SLAIN2: variants seen among roughly 807,000 people sequenced by gnomAD.
SLAIN2 encodes the protein SLAIN family member 2, also known as SLAIN motif-containing protein 2.
SLAIN2 carries 31 observed loss-of-function variants against 56.6 expected under a neutral mutation model. The ratio of observed to expected loss-of-function variants is 0.55; its 90% CI spans 0.41 to 0.74. SLAIN2 has a LOEUF of 0.74. Among genes scored for constraint, SLAIN2 ranks in the 30% least tolerant of loss-of-function variants. The probability of loss-of-function intolerance (pLI) is 0.00; values close to 1 mark genes in which losing one functional copy is unlikely to be tolerated. For missense variants in SLAIN2, 777 were observed against 754.2 expected, an observed-to-expected ratio of 1.03 and a Z score of -0.35; for synonymous variants, 317 against 284.9, an observed-to-expected ratio of 1.11 and a Z score of -1.13.
chr4:48,382,990 C>A (rs552785711), intron 5 of SLAIN2, 63 bp downstream of exon 5: 3 of 1,462,614 alleles, frequency 2.1e-6, no homozygotes, highest in South Asian at 1.4e-5. Context: ...CATAGCAAGA[C>A]CCCGTCTCTA....
chr4:48,378,021 C>G lies in SLAIN2; in HGVS notation c.664C>G (p.Pro222Ala). 9.3e-6 allele frequency: 15 copies of G among 1,613,892 alleles called. No individual in the cohort carries two copies. The highest frequency in any genetic ancestry group is 1.3e-5 in the Non-Finnish European group (15 of 1,179,852). ...FNSPSSTPVRPPIVKQLILPG... is the reference protein window; with the variant it reads ...FNSPSSTPVRAPIVKQLILPG... ...TTCTCCATCCTCAACCCCAGTGCGA[C>G]CTCCTATAGTCAAACAGCTTATACT... Residue 222 changes from proline to alanine, a missense_variant, in exon 3 of 8, where the codon CCT becomes GCT. Pro to Ala is a conservative substitution (Grantham distance 27, BLOSUM62 -1). Transcript: ENST00000264313.
At chr4:48,365,175 TA>T (rs983034444) in intron 1 of SLAIN2, among the ~76,000 whole-genome samples, 3 of 150,862 alleles carry the variant, frequency 2.0e-5, no homozygotes, top group African/African-American at 4.9e-5. Context: ...TTTCTGTCTT[TA>T]AAAAAAAATT....
At chr4:48,372,916 A>G (rs1461922435) in intron 2 of SLAIN2, among the ~76,000 whole-genome samples, 1 of 152,076 alleles carries the variant, frequency 6.6e-6, no homozygotes, top group East Asian at 1.9e-4. Context: ...TTTTTTGGTA[A>G]GGCAGAGCTT....
intron 6 of SLAIN2, among the ~76,000 whole-genome samples, 197 bp from the exon 7 acceptor site, chr4:48,419,928 C>CT (rs1401972857): frequency 6.6e-6 from 1 of 152,176 alleles, no homozygotes; most frequent in Non-Finnish European, 1.5e-5. Context: ...TTGTAATCCT[C>CT]TAAGTACTTG....
chr4:48,417,835 T>C (rs1717034338), intron 6 of SLAIN2, among the ~76,000 whole-genome samples: 1 of 151,984 alleles, frequency 6.6e-6, no homozygotes, highest in Non-Finnish European at 1.5e-5. Context: ...AAATTAGGTA[T>C]TGATGGGATG....
chr4:48,350,939 G>A (rs1232954779), intron 1 of SLAIN2, among the ~76,000 whole-genome samples: 1 of 152,218 alleles, frequency 6.6e-6, no homozygotes, highest in East Asian at 1.9e-4. Flanking sequence ...ATTCTTGAAA[G>A]TATTTGGAAA....
At chr4:48,396,654 C>A (rs556270835) in intron 6 of SLAIN2, among the ~76,000 whole-genome samples, 6 of 152,098 alleles carry the variant, frequency 3.9e-5, no homozygotes, top group Non-Finnish European at 5.9e-5. Flanking sequence ...GCATATTAAA[C>A]GTGTCCAGTA....
At chr4:48,380,128 G>T (rs1327285437) in intron 4 of SLAIN2, among the ~76,000 whole-genome samples, 1 of 152,038 alleles carries the variant, frequency 6.6e-6, no homozygotes, top group Non-Finnish European at 1.5e-5. Context: ...ATGTTACTCT[G>T]CACTAGCACT....
At position 48,422,056 on chromosome 4, in the gene SLAIN2, T is replaced by G; in HGVS notation, c.1725T>G (p.Ser575Arg). ...CCTATGGTAGCATGAAAGATGACAG[T>G]TGGAAAGATGGCTGTTACTGACCAG... is the stretch of plus-strand genomic sequence containing the variant. Reference protein sequence around the residue: ...PKTYGSMKDDSWKDGCY With the variant: ...PKTYGSMKDDRWKDGCY The change falls in exon 8 of 8, where the codon AGT becomes AGG. Residue 575 changes from serine (S) to arginine (R), a missense_variant. Transcript: ENST00000264313. 6.2e-7 allele frequency: 1 copy of G among 1,610,872 alleles called. No homozygotes were observed. Among genetic ancestry groups the G allele is most frequent in the Non-Finnish European group, 8.5e-7 (1 of 1,178,624 alleles).
intron 6 of SLAIN2, among the ~76,000 whole-genome samples, chr4:48,405,704 A>G (rs1489910317): frequency 6.6e-6 from 1 of 152,016 alleles, no homozygotes; most frequent in Non-Finnish European, 1.5e-5. Flanking sequence ...ATTGATGTGT[A>G]ATGCCTAGAT....
At chr4:48,363,999 C>T (rs1213525259) in intron 1 of SLAIN2, among the ~76,000 whole-genome samples, 6 of 117,766 alleles carry the variant, frequency 5.1e-5, no homozygotes, top group South Asian at 6.9e-4. Flanking sequence ...CCCTCCCGGA[C>T]GGGGTGGCTG....
chr4:48,352,946 G>T (rs535161724), intron 1 of SLAIN2, among the ~76,000 whole-genome samples: 9 of 152,072 alleles, frequency 5.9e-5, no homozygotes, highest in Non-Finnish European at 8.8e-5. Context: ...GTTAACTCTC[G>T]CAAGATCTGA....
intron 1 of SLAIN2, among the ~76,000 whole-genome samples, chr4:48,366,679 C>T (rs148988886): frequency 9.9e-5 from 15 of 152,178 alleles, no homozygotes; most frequent in African/African-American, 3.4e-4. Context: ...GACAACGTTT[C>T]GTTGTGTCTT....
At chr4:48,386,094 A>G (rs1716092454) in intron 6 of SLAIN2, among the ~76,000 whole-genome samples, 1 of 151,210 alleles carries the variant, frequency 6.6e-6, no homozygotes, top group South Asian at 2.1e-4. Flanking sequence ...TTGAAAGAAA[A>G]AAAAAAAAAA....
At chr4:48,348,098 T>C (rs1051160991) in intron 1 of SLAIN2, among the ~76,000 whole-genome samples, 2 of 152,236 alleles carry the variant, frequency 1.3e-5, no homozygotes, top group Admixed American at 6.5e-5. Flanking sequence ...AAGAGAACTT[T>C]TTGAGTATTT....
chr4:48,393,959 A>G (rs1236455886), intron 6 of SLAIN2, among the ~76,000 whole-genome samples: 1 of 152,186 alleles, frequency 6.6e-6, no homozygotes, highest in Admixed American at 6.5e-5. Context: ...AACCCACACC[A>G]GCATTACATA....
At chr4:48,395,370 C>G (rs1324256314) in intron 6 of SLAIN2, among the ~76,000 whole-genome samples, 2 of 150,970 alleles carry the variant, frequency 1.3e-5, no homozygotes, top group Admixed American at 6.6e-5. Flanking sequence ...TTAGATCTCA[C>G]TAAACAACCA....
chr4:48,342,198 C>T, intron 1 of SLAIN2, 70 bp downstream of exon 1: 33 of 1,324,136 alleles, frequency 2.5e-5, no homozygotes, highest in Admixed American at 4.1e-5. Flanking sequence ...CTCTGAGGGT[C>T]CCTCTGGTCG....
chr4:48,386,803 A>G (rs1342312547), intron 6 of SLAIN2, among the ~76,000 whole-genome samples: 1 of 152,174 alleles, frequency 6.6e-6, no homozygotes, highest in Non-Finnish European at 1.5e-5. Context: ...ACTTGAGAAT[A>G]TCCTGTTTCT....
Sources: allele counts gnomAD v4.1 joint callset (sites outside exome capture counted in the v4.1 genomes callset), GRCh38; gene constraint gnomAD v4.1.1; transcripts MANE v1.5; gene names NCBI Gene and HGNC (gene_info 2026-07-23, HGNC 2026-07-21).